TNPO3: variants seen among roughly 807,000 people sequenced by gnomAD.
TNPO3 encodes the protein transportin 3.
Under a neutral mutation model 122.8 loss-of-function variants are expected in TNPO3, and 65 were observed. That is an observed-to-expected ratio of 0.53 (90% CI 0.43 to 0.65). The LOEUF (loss-of-function observed/expected upper bound fraction) is 0.65. Ranked by LOEUF, TNPO3 falls within the 30% of genes least tolerant of loss-of-function variation. TNPO3 has a pLI of 0.00. For synonymous variants in TNPO3, 372 were observed against 411.2 expected, an observed-to-expected ratio of 0.90 and a Z score of 1.15; for missense variants, 850 against 1,136.7, an observed-to-expected ratio of 0.75 and a Z score of 3.63.
chr7:128,977,141 T>C (rs555026298), intron 16 of TNPO3, among the ~76,000 whole-genome samples: 2 of 152,122 alleles, frequency 1.3e-5, no homozygotes, highest in East Asian at 1.9e-4. Context: ...AGTTAAGGGA[T>C]TTTTTAAGGA....
At chr7:129,028,944 GT>G in intron 1 of TNPO3, 2 of 441,644 alleles carry the variant, frequency 4.5e-6, no homozygotes, top group South Asian at 1.7e-5. Flanking sequence ...CTTGATGAAG[GT>G]TTTACTGCCA....
intron 21 of TNPO3, among the ~76,000 whole-genome samples, chr7:128,957,919 AAG>A (rs963020681): frequency 1.3e-5 from 2 of 152,186 alleles, no homozygotes; most frequent in Non-Finnish European, 2.9e-5. Context: ...AGCATGTAGA[AAG>A]AGAGACAAAG....
At chr7:129,050,066 T>C (rs1808524535) in intron 1 of TNPO3, among the ~76,000 whole-genome samples, 1 of 151,276 alleles carries the variant, frequency 6.6e-6, no homozygotes, top group African/African-American at 2.4e-5. Context: ...TTTTCTTTTC[T>C]TTTTTTTCTT....
At chr7:129,002,361 C>T (rs1406109890) in intron 5 of TNPO3, among the ~76,000 whole-genome samples, 1 of 152,132 alleles carries the variant, frequency 6.6e-6, no homozygotes, top group East Asian at 1.9e-4. Context: ...ACAACTGATG[C>T]AAATCAGAGC....
chr7:129,014,047 G>T (rs1297315728), intron 4 of TNPO3, among the ~76,000 whole-genome samples: 3 of 152,202 alleles, frequency 2.0e-5, no homozygotes, highest in East Asian at 3.8e-4. Context: ...ATACGTTATA[G>T]TGTTACACAG....
intron 21 of TNPO3, among the ~76,000 whole-genome samples, chr7:128,965,633 A>G (rs977458561): frequency 3.9e-5 from 6 of 152,228 alleles, no homozygotes; most frequent in Admixed American, 2.0e-4. Flanking sequence ...GCTGAAAGAG[A>G]TATTTGTACA....
chr7:128,958,304 CGACT>C (rs2128976220), intron 21 of TNPO3, among the ~76,000 whole-genome samples: 1 of 151,688 alleles, frequency 6.6e-6, no homozygotes, highest in South Asian at 2.1e-4. Context: ...CCACCACGCC[CGACT>C]ATTTTTTTGT....
At chr7:129,000,921 G>C in intron 6 of TNPO3, 138 bp downstream of exon 6, 7 of 1,027,950 alleles carry the variant, frequency 6.8e-6, no homozygotes, top group Non-Finnish European at 9.8e-6. Flanking sequence ...GAGCATAGTA[G>C]AGCATCTTTA....
rs565710239 is a variant in TNPO3, at chr7:129,015,574, C to T, written c.396-439G>A. Among the ~76,000 whole-genome samples the T allele has an allele frequency of 6.6e-5, 10 of 152,300 alleles. No homozygotes were observed. The South Asian group carries it at 2.1e-3, about 32-fold the overall frequency. ...TAAGGGCCAGTTGTGGTGGCTCATG[C>T]TTATGATCCCAGCACTTTGGGAGGC... On this transcript the variant is annotated intron_variant, in intron 3 of 22. Transcript: ENST00000265388.
intron 1 of TNPO3, chr7:129,041,599 C>A (rs970221752): frequency 1.0e-6 from 1 of 985,364 alleles, no homozygotes; most frequent in Admixed American, 6.1e-5. Flanking sequence ...GTGCTACCCA[C>A]TGAAATCCAG....
At chr7:128,958,206 C>T (rs946325917) in intron 21 of TNPO3, among the ~76,000 whole-genome samples, 10 of 139,940 alleles carry the variant, frequency 7.1e-5, no homozygotes, top group East Asian at 6.2e-4. Context: ...TGCAATGGCA[C>T]GATCTCAGCT....
At chr7:128,990,123 C>A (rs1020126977) in intron 10 of TNPO3, 23 bp from the exon 11 acceptor site, 6 of 1,614,142 alleles carry the variant, frequency 3.7e-6, no homozygotes, top group Non-Finnish European at 5.1e-6. Context: ...GGTAAGTACT[C>A]ACAGTTACTG....
chr7:129,028,952 G>T (rs1202191419), intron 1 of TNPO3: 3 of 443,454 alleles, frequency 6.8e-6, no homozygotes, highest in Non-Finnish European at 1.3e-5. Context: ...AGGTTTTACT[G>T]CCAAGGACAT....
At chr7:129,016,067 A>G (rs1803819234) in intron 3 of TNPO3, among the ~76,000 whole-genome samples, 1 of 152,142 alleles carries the variant, frequency 6.6e-6, no homozygotes, top group African/African-American at 2.4e-5. Flanking sequence ...CCTGGGTGAA[A>G]CAGCAAGACT....
chr7:128,964,486 C>T (rs776519965), intron 21 of TNPO3, among the ~76,000 whole-genome samples: 2 of 152,072 alleles, frequency 1.3e-5, no homozygotes, highest in Non-Finnish European at 2.9e-5. Context: ...CAGGTGCCCA[C>T]CACCACGCCC....
chr7:129,013,790 A>G (rs754623166), intron 4 of TNPO3, among the ~76,000 whole-genome samples: 5 of 152,250 alleles, frequency 3.3e-5, no homozygotes, highest in Non-Finnish European at 7.3e-5. Context: ...TTAGCCACAA[A>G]AAGAATAAAA....
intron 1 of TNPO3, among the ~76,000 whole-genome samples, chr7:129,053,494 C>CA (rs752196402): frequency 0.037 from 2,170 of 58,520 alleles, 28 homozygotes; most frequent in Middle Eastern, 0.05. Flanking sequence ...GACTCTGTCT[C>CA]AAAAAAAAAA....
At chr7:129,046,092 G>A (rs957002718) in intron 1 of TNPO3, among the ~76,000 whole-genome samples, 6 of 151,122 alleles carry the variant, frequency 4.0e-5, no homozygotes, top group African/African-American at 7.3e-5. Context: ...CCAGTTACTC[G>A]GGAGCCTGAG....
At chr7:128,982,985 T>G (rs1236864168) in intron 13 of TNPO3, among the ~76,000 whole-genome samples, 1 of 152,196 alleles carries the variant, frequency 6.6e-6, no homozygotes, top group African/African-American at 2.4e-5. Flanking sequence ...ATTTTCTAAC[T>G]GATGATTACC....
Sources: allele counts gnomAD v4.1 joint callset (sites outside exome capture counted in the v4.1 genomes callset), GRCh38; gene constraint gnomAD v4.1.1; transcripts MANE v1.5; gene names NCBI Gene and HGNC (gene_info 2026-07-23, HGNC 2026-07-21).